Variants in CADM2 observed in about 807,000 individuals in gnomAD.
CADM2 encodes the protein immunoglobulin superfamily member 4D.
In CADM2, 12 loss-of-function variants were observed where a neutral mutation model predicts 49.8. The ratio of observed to expected loss-of-function variants is 0.24; its 90% CI spans 0.15 to 0.39. The LOEUF (loss-of-function observed/expected upper bound fraction) is 0.39, where lower values mean the gene tolerates loss of function less well. Ranked by LOEUF, CADM2 falls within the 10% of genes least tolerant of loss-of-function variation. The pLI, the probability that CADM2 is intolerant of heterozygous loss-of-function variation, is 1.00. For missense variants in CADM2, 378 were observed against 492.3 expected (o/e 0.77, Z 2.20); for synonymous variants, 214 against 175.4 (o/e 1.22, Z -1.74).
chr3:85,474,801 TG>T (rs1283491864), intron 1 of CADM2, among the ~76,000 whole-genome samples: 1 of 151,916 alleles, frequency 6.6e-6, no homozygotes, highest in Non-Finnish European at 1.5e-5. Flanking sequence ...GGATTTAATT[TG>T]TGTTATATAT....
At chr3:85,458,365 A>C (rs1417722558) in intron 1 of CADM2, among the ~76,000 whole-genome samples, 1 of 152,156 alleles carries the variant, frequency 6.6e-6, no homozygotes, top group Non-Finnish European at 1.5e-5. Context: ...GATATCTTTG[A>C]ATAATGGAAA....
At chr3:85,138,580 T>C (rs1265086828) in intron 1 of CADM2, among the ~76,000 whole-genome samples, 1 of 152,190 alleles carries the variant, frequency 6.6e-6, no homozygotes, top group African/African-American at 2.4e-5. Flanking sequence ...TTTATATTTG[T>C]AGTTATTGCC....
intron 1 of CADM2, among the ~76,000 whole-genome samples, chr3:85,112,401 AG>A (rs2038491359): frequency 1.3e-5 from 2 of 151,642 alleles, no homozygotes; most frequent in South Asian, 4.1e-4. Context: ...GTGAAGTTAA[AG>A]TACACGTATA....
At chr3:85,654,436 A>G (rs1371889382) in intron 1 of CADM2, among the ~76,000 whole-genome samples, 2 of 152,204 alleles carry the variant, frequency 1.3e-5, no homozygotes, top group African/African-American at 2.4e-5. Flanking sequence ...GGAAGGCAGC[A>G]TACATGGGCA....
intron 1 of CADM2, among the ~76,000 whole-genome samples, chr3:84,993,481 T>C (rs1559606909): frequency 1.3e-5 from 2 of 152,164 alleles, no homozygotes. Context: ...ATCAAGTTAC[T>C]TCTGGTCCTA....
At chr3:85,551,106 C>T (rs1172157458) in intron 1 of CADM2, among the ~76,000 whole-genome samples, 2 of 152,134 alleles carry the variant, frequency 1.3e-5, no homozygotes, top group East Asian at 1.9e-4. Flanking sequence ...ACCTCAGACT[C>T]TCAAGAAGCT....
At position 86,072,641 on chromosome 3, in the gene CADM2, G is replaced by A. The variant is rs897356794; in HGVS notation, c.*5858G>A. On this transcript the variant is annotated 3_prime_UTR_variant, in exon 10 of 10. Transcript: ENST00000383699. ...CAAACAGTACTGTCAAACCTCAAAT[G>A]CTTTCTTTCTTCAGATGCTTTTTCG... 38 of 151,920 alleles carry A rather than the reference G, an allele frequency of 2.5e-4. No homozygotes were observed. The highest frequency in any genetic ancestry group is 8.9e-4 in the African/African-American group (37 of 41,404). The allele number at this position is 151,920 out of a possible 1,614,324, so 9.4% of individuals were successfully genotyped here. A position where few individuals can be genotyped will look rare whatever the true frequency, so the allele number is the denominator to read the frequency against.
At chr3:85,457,388 G>A (rs551128558) in intron 1 of CADM2, among the ~76,000 whole-genome samples, 1 of 151,744 alleles carries the variant, frequency 6.6e-6, no homozygotes, top group Admixed American at 6.6e-5. Context: ...ACTCCAGCCC[G>A]GGTGACACAG....
chr3:85,583,351 C>T (rs1407436888), intron 1 of CADM2, among the ~76,000 whole-genome samples: 1 of 152,092 alleles, frequency 6.6e-6, no homozygotes, highest in African/African-American at 2.4e-5. Context: ...ACCATATTCA[C>T]ACTGTTGTTT....
intron 1 of CADM2, among the ~76,000 whole-genome samples, chr3:85,354,055 A>G (rs1434111055): frequency 1.3e-5 from 2 of 151,974 alleles, no homozygotes; most frequent in South Asian, 2.1e-4. Flanking sequence ...AGAACTGACT[A>G]CAAGAGTTTG....
chr3:85,867,067 C>T (rs949255894), intron 3 of CADM2, among the ~76,000 whole-genome samples: 1 of 151,900 alleles, frequency 6.6e-6, no homozygotes, highest in Non-Finnish European at 1.5e-5. Context: ...ACTATAAATT[C>T]CCTTATTATT....
intron 1 of CADM2, among the ~76,000 whole-genome samples, chr3:84,976,522 T>A (rs1264656162): frequency 6.6e-6 from 1 of 151,792 alleles, no homozygotes; most frequent in Non-Finnish European, 1.5e-5. Context: ...TTTTATTAAG[T>A]ATCAGAAATA....
chr3:85,359,666 A>ATATATATATATATATATTTTTTTT lies in CADM2; in HGVS notation c.62-366855_62-366854insATATATATATATATATTTTTTTTT. ...TATATATATATATATATATATATAT[A>ATATATATATATATATATTTTTTTT]TTTTTTTTTTTGGTGGAGGGGAGAA... On this transcript the variant is annotated intron_variant, in intron 1 of 9. Coordinates refer to ENST00000383699, the MANE Select transcript of CADM2 (RefSeq NM_001167675.2). Among the ~76,000 whole-genome samples, 50 of 26,522 alleles carry ATATATATATATATATATTTTTTTT rather than the reference A, an allele frequency of 1.9e-3. 1 individual carries two copies. Among genetic ancestry groups the ATATATATATATATATATTTTTTTT allele is most frequent in the East Asian group, 5.4e-3 (4 of 742 alleles). The allele number at this position is 26,522 out of a possible 152,430, so 17.4% of individuals were successfully genotyped here.
At chr3:85,565,283 T>C (rs1012726710) in intron 1 of CADM2, among the ~76,000 whole-genome samples, 1 of 152,150 alleles carries the variant, frequency 6.6e-6, no homozygotes, top group Non-Finnish European at 1.5e-5. Context: ...TTGCATTAAC[T>C]ATCTCTAAGA....
intron 8 of CADM2, among the ~76,000 whole-genome samples, chr3:86,032,020 T>A (rs932215510): frequency 5.3e-5 from 8 of 151,702 alleles, no homozygotes; most frequent in East Asian, 1.9e-4. Flanking sequence ...GTAAATTAAT[T>A]GAAACAATAT....
intron 8 of CADM2, among the ~76,000 whole-genome samples, chr3:85,999,292 T>C (rs1729849478): frequency 1.3e-5 from 2 of 151,452 alleles, no homozygotes; most frequent in South Asian, 4.2e-4. Flanking sequence ...TCACTTGAGT[T>C]CAGGAGTTCG....
chr3:84,976,725 G>A (rs577950417), intron 1 of CADM2, among the ~76,000 whole-genome samples: 1 of 151,826 alleles, frequency 6.6e-6, no homozygotes, highest in African/African-American at 2.4e-5. Flanking sequence ...CAAATAAGAA[G>A]AGGCTTTCTT....
At chr3:85,482,957 G>A (rs1269508998) in intron 1 of CADM2, among the ~76,000 whole-genome samples, 1 of 151,280 alleles carries the variant, frequency 6.6e-6, no homozygotes, top group African/African-American at 2.4e-5. Flanking sequence ...ATTATAAATG[G>A]TTATTAAATC....
intron 1 of CADM2, among the ~76,000 whole-genome samples, chr3:85,107,620 T>G (rs1370350471): frequency 6.9e-6 from 1 of 145,340 alleles, no homozygotes; most frequent in Non-Finnish European, 1.5e-5. Flanking sequence ...TTTCTTTCTT[T>G]CTTTCTTTCT....
Sources: gnomAD v4.1 joint callset for allele counts (sites outside exome capture counted in the v4.1 genomes callset) on GRCh38, gnomAD v4.1.1 for gene constraint, MANE v1.5 for transcripts, NCBI Gene and HGNC (gene_info 2026-07-23, HGNC 2026-07-21) for gene names.